FBXL7: variants seen among roughly 807,000 people sequenced by gnomAD.
The protein encoded by FBXL7 is F-box/LRR-repeat protein 7.
Under a neutral mutation model 38.3 loss-of-function variants are expected in FBXL7, and 12 were observed. The ratio of observed to expected loss-of-function variants is 0.31; its 90% CI spans 0.20 to 0.51. The LOEUF (loss-of-function observed/expected upper bound fraction) is 0.51, where lower values mean the gene tolerates loss of function less well. Among genes scored for constraint, FBXL7 ranks in the 20% least tolerant of loss-of-function variants. The pLI, the probability that FBXL7 is intolerant of heterozygous loss-of-function variation, is 0.98. For missense variants in FBXL7, 567 were observed against 676.4 expected (o/e 0.84, Z 1.79); for synonymous variants, 297 against 300.9 (o/e 0.99, Z 0.13).
At chr5:15,514,088 T>C (rs977925424) in intron 1 of FBXL7, among the ~76,000 whole-genome samples, 2 of 152,206 alleles carry the variant, frequency 1.3e-5, no homozygotes, top group African/African-American at 4.8e-5. Flanking sequence ...ATTTCTTTGA[T>C]ACTGGCTAAT....
intron 1 of FBXL7, among the ~76,000 whole-genome samples, chr5:15,534,930 A>G (rs1197889596): frequency 6.6e-6 from 1 of 152,172 alleles, no homozygotes; most frequent in Non-Finnish European, 1.5e-5. Flanking sequence ...CCCCCATGTC[A>G]GGGGAGGGAC....
intron 2 of FBXL7, among the ~76,000 whole-genome samples, chr5:15,644,650 G>T (rs1741474595): frequency 6.6e-6 from 1 of 152,106 alleles, no homozygotes; most frequent in South Asian, 2.1e-4. Flanking sequence ...TTTGACTTTT[G>T]CTTTTAGGGA....
chr5:15,650,700 A>G lies in FBXL7; in HGVS notation c.127+34628A>G, dbSNP rs535072751. 2.6e-5 allele frequency among the ~76,000 whole-genome samples: 4 copies of G among 152,352 alleles called. No individual in the cohort carries two copies. In the East Asian group the frequency reaches 7.7e-4, roughly 29 times the overall value. The stretch of plus-strand genomic sequence containing the variant: ...TTAAATGTTTTCTTGTCATTTCAAC[A>G]ACGTCCACAGACTTTTCACCAGGAG... On this transcript the variant is annotated intron_variant, in intron 2 of 3. Coordinates refer to ENST00000504595, the MANE Select transcript of FBXL7 (RefSeq NM_012304.5).
At chr5:15,565,410 T>C (rs1738538417) in intron 1 of FBXL7, among the ~76,000 whole-genome samples, 1 of 151,974 alleles carries the variant, frequency 6.6e-6, no homozygotes, top group African/African-American at 2.4e-5. Context: ...TTAGAGACCC[T>C]CTAGGTCATG....
chr5:15,867,602 T>C (rs1051062203), intron 2 of FBXL7, among the ~76,000 whole-genome samples: 2 of 152,190 alleles, frequency 1.3e-5, no homozygotes, highest in African/African-American at 2.4e-5. Context: ...GTGAATGAGT[T>C]CTATTAAATG....
At chr5:15,717,275 TC>T (rs1375235602) in intron 2 of FBXL7, among the ~76,000 whole-genome samples, 1 of 152,160 alleles carries the variant, frequency 6.6e-6, no homozygotes, top group Non-Finnish European at 1.5e-5. Context: ...CCCCTGCTGC[TC>T]CTATGGCGAT....
At chr5:15,698,449 A>G (rs541206650) in intron 2 of FBXL7, among the ~76,000 whole-genome samples, 2 of 152,332 alleles carry the variant, frequency 1.3e-5, no homozygotes, top group South Asian at 4.1e-4. Context: ...GACGCCCAAG[A>G]GCTAATCTAA....
chr5:15,881,192 T>G (rs1332319968), intron 2 of FBXL7, among the ~76,000 whole-genome samples: 1 of 152,108 alleles, frequency 6.6e-6, no homozygotes, highest in African/African-American at 2.4e-5. Context: ...TACCTTTCCC[T>G]CAAGTCTCCA....
At chr5:15,927,583 C>T (rs926104847) in intron 2 of FBXL7, among the ~76,000 whole-genome samples, 3 of 151,856 alleles carry the variant, frequency 2.0e-5, no homozygotes, top group African/African-American at 4.8e-5. Context: ...ACCAAACTGG[C>T]CAACATGGTA....
At chr5:15,713,490 A>C (rs1406830035) in intron 2 of FBXL7, among the ~76,000 whole-genome samples, 3 of 152,100 alleles carry the variant, frequency 2.0e-5, no homozygotes. Flanking sequence ...CTTCCTTCCA[A>C]ATCTAACTTC....
intron 2 of FBXL7, among the ~76,000 whole-genome samples, chr5:15,729,461 T>C (rs1033514738): frequency 3.3e-5 from 5 of 152,132 alleles, no homozygotes; most frequent in African/African-American, 1.2e-4. Context: ...ATTTCTGTTA[T>C]TAGCCTCTTT....
intron 2 of FBXL7, among the ~76,000 whole-genome samples, chr5:15,662,321 C>G (rs189146611): frequency 6.6e-6 from 1 of 152,242 alleles, no homozygotes; most frequent in African/African-American, 2.4e-5. Flanking sequence ...CGTTCATGTT[C>G]TTTGCCCAAT....
chr5:15,511,280 A>G lies in FBXL7; in HGVS notation c.37+10567A>G, dbSNP rs1045439688. ...CCAGTGTCTGTAATAACTTTGGCATATAAAATGATGAGCATATTCTTTAGA... is the reference window on the plus strand; with the variant it reads ...CCAGTGTCTGTAATAACTTTGGCATGTAAAATGATGAGCATATTCTTTAGA... On this transcript the variant is annotated intron_variant, in intron 1 of 3. Transcript: ENST00000504595. Among the ~76,000 whole-genome samples the G allele has an allele frequency of 2.6e-5, 4 of 152,256 alleles. No homozygotes were observed. The East Asian group carries it at 5.8e-4, about 22-fold the overall frequency.
At chr5:15,722,450 A>C (rs1744224598) in intron 2 of FBXL7, among the ~76,000 whole-genome samples, 1 of 152,166 alleles carries the variant, frequency 6.6e-6, no homozygotes, top group South Asian at 2.1e-4. Context: ...GCTATTCAAC[A>C]AGCTTTGAGG....
In FBXL7 at chr5:15,759,151, G is replaced by A. The variant is rs572567289; in HGVS notation, c.127+143079G>A. On this transcript the variant is annotated intron_variant, in intron 2 of 3. Coordinates refer to ENST00000504595, the MANE Select transcript of FBXL7 (RefSeq NM_012304.5). Reference sequence around the variant, plus strand: ...ACATGAGGCTATATTTTATTTAGTAGCAGTTCATTCCTTCGGCTTTTCCTA... The same window carrying A: ...ACATGAGGCTATATTTTATTTAGTAACAGTTCATTCCTTCGGCTTTTCCTA... Among the ~76,000 whole-genome samples the A allele has an allele frequency of 3.3e-5, 5 of 152,130 alleles. No homozygotes were observed. In the South Asian group the frequency reaches 8.3e-4, roughly 25 times the overall value.
intron 2 of FBXL7, among the ~76,000 whole-genome samples, chr5:15,772,471 C>T (rs1736753344): frequency 6.6e-6 from 1 of 152,108 alleles, no homozygotes; most frequent in African/African-American, 2.4e-5. Context: ...AAGTAAAAGG[C>T]CTTATGTACT....
intron 2 of FBXL7, among the ~76,000 whole-genome samples, chr5:15,903,805 T>G (rs1425935204): frequency 6.6e-6 from 1 of 152,220 alleles, no homozygotes; most frequent in Non-Finnish European, 1.5e-5. Context: ...GACAGTGCCA[T>G]TAATTCATTC....
rs76851983 is a variant in FBXL7, at chr5:15,602,743, G to T, written c.38-13240G>T. Among the ~76,000 whole-genome samples the T allele has an allele frequency of 7.6e-4, 115 of 152,196 alleles. 3 individuals carry two copies. In the East Asian group the frequency reaches 0.02, roughly 27 times the overall value. On this transcript the variant is annotated intron_variant, in intron 1 of 3. Transcript: ENST00000504595. ...CCCTTTACCCTCCCCCCAAAAAGAA[G>T]AATAAAATACTCTTAAAAAAGAAAA... is the stretch of plus-strand genomic sequence containing the variant.
At chr5:15,688,033 A>G (rs1374586691) in intron 2 of FBXL7, among the ~76,000 whole-genome samples, 1 of 152,228 alleles carries the variant, frequency 6.6e-6, no homozygotes, top group African/African-American at 2.4e-5. Context: ...ATGCAACTAG[A>G]CTAGCGATTG....
Sources: gnomAD v4.1 joint callset for allele counts (sites outside exome capture counted in the v4.1 genomes callset) on GRCh38, gnomAD v4.1.1 for gene constraint, MANE v1.5 for transcripts, NCBI Gene and HGNC (gene_info 2026-07-23, HGNC 2026-07-21) for gene names.